CNBD1: variants seen among roughly 807,000 people sequenced by gnomAD.
The protein encoded by CNBD1 is cyclic nucleotide-binding domain-containing protein 1.
CNBD1 carries 71 observed loss-of-function variants against 54.4 expected under a neutral mutation model. The observed-to-expected ratio is 1.30, with a 90% confidence interval of 1.08 to 1.59. CNBD1 has a LOEUF of 1.59. Ranked by LOEUF, CNBD1 falls within the 40% of genes most tolerant of loss-of-function variation. The pLI, the probability that CNBD1 is intolerant of heterozygous loss-of-function variation, is 0.00. For missense variants in CNBD1, 659 were observed against 518.0 expected (o/e 1.27, Z -2.64); for synonymous variants, 182 against 170.7 (o/e 1.07, Z -0.51).
chr8:86,961,752 C>T (rs931295800), intron 4 of CNBD1, among the ~76,000 whole-genome samples: 12 of 152,244 alleles, frequency 7.9e-5, no homozygotes, highest in Non-Finnish European at 1.8e-4. Context: ...TCCTGTTCCA[C>T]CAGAGTGACA....
intron 4 of CNBD1, among the ~76,000 whole-genome samples, chr8:86,954,158 C>T (rs1040572159): frequency 6.6e-6 from 1 of 152,140 alleles, no homozygotes; most frequent in African/African-American, 2.4e-5. Flanking sequence ...ACAAAGCAAA[C>T]AAAAATCTTT....
chr8:87,081,697 G>A (rs757572346), intron 4 of CNBD1, among the ~76,000 whole-genome samples: 1 of 151,734 alleles, frequency 6.6e-6, no homozygotes, highest in Non-Finnish European at 1.5e-5. Flanking sequence ...TAGTAGAAAC[G>A]GGGTTTCACT....
At chr8:87,112,782 A>T (rs990152520) in intron 4 of CNBD1, among the ~76,000 whole-genome samples, 6 of 152,048 alleles carry the variant, frequency 3.9e-5, no homozygotes, top group Non-Finnish European at 7.3e-5. Context: ...ACTTTATTGC[A>T]TCTGGCTACT....
At chr8:87,010,873 G>T (rs545484964) in intron 4 of CNBD1, among the ~76,000 whole-genome samples, 1 of 152,102 alleles carries the variant, frequency 6.6e-6, no homozygotes, top group South Asian at 2.1e-4. Flanking sequence ...TTCCTTGTAG[G>T]TGTGTTTCTA....
intron 8 of CNBD1, among the ~76,000 whole-genome samples, chr8:87,320,187 T>C (rs781399055): frequency 4.6e-5 from 7 of 152,126 alleles, no homozygotes; most frequent in Non-Finnish European, 8.8e-5. Flanking sequence ...TCTCTTATAC[T>C]AGCTTAACTT....
chr8:87,389,911 T>A (rs1258914483), intron 2 of CNBD1, among the ~76,000 whole-genome samples: 1 of 151,940 alleles, frequency 6.6e-6, no homozygotes, highest in Non-Finnish European at 1.5e-5. Flanking sequence ...TATAGACCAA[T>A]GGAACAGAAC....
intron 4 of CNBD1, among the ~76,000 whole-genome samples, chr8:87,039,361 G>C (rs949817253): frequency 2.0e-5 from 3 of 151,950 alleles, no homozygotes; most frequent in Non-Finnish European, 4.4e-5. Flanking sequence ...TATTTATTCA[G>C]TATGTTTGTA....
chr8:87,347,313 A>C (rs2130924600), intron 8 of CNBD1, among the ~76,000 whole-genome samples: 1 of 152,288 alleles, frequency 6.6e-6, no homozygotes, highest in East Asian at 1.9e-4. Context: ...GCTCAAGAAA[A>C]CCTTTGTTTA....
At chr8:86,918,845 G>A (rs1230542383) in intron 3 of CNBD1, among the ~76,000 whole-genome samples, 1 of 147,560 alleles carries the variant, frequency 6.8e-6, no homozygotes, top group African/African-American at 2.5e-5. Context: ...GCAATTTTGT[G>A]TAGGCATCAC....
At chr8:87,364,461 C>T (rs1345798239) in intron 10 of CNBD1, among the ~76,000 whole-genome samples, 3 of 150,212 alleles carry the variant, frequency 2.0e-5, no homozygotes, top group Non-Finnish European at 3.0e-5. Context: ...CTTTTAAATC[C>T]AATTTGTCTT....
At chr8:86,886,788 GTATT>G (rs939929824) in intron 1 of CNBD1, among the ~76,000 whole-genome samples, 3 of 152,060 alleles carry the variant, frequency 2.0e-5, no homozygotes, top group African/African-American at 7.2e-5. Context: ...GCCTAAGTGA[GTATT>G]TATTATTTTT....
chr8:87,238,636 T>C, intron 6 of CNBD1, among the ~76,000 whole-genome samples: 1 of 152,064 alleles, frequency 6.6e-6, no homozygotes, highest in East Asian at 1.9e-4. Context: ...AATATGAATA[T>C]ATTTATATCT....
intron 4 of CNBD1, among the ~76,000 whole-genome samples, chr8:87,046,590 G>A (rs930484486): frequency 6.6e-6 from 1 of 152,112 alleles, no homozygotes; most frequent in Admixed American, 6.5e-5. Context: ...TCCCTTGAAG[G>A]GAGGATTCTA....
At chr8:87,066,123 G>A (rs1200560945) in intron 4 of CNBD1, among the ~76,000 whole-genome samples, 8 of 151,946 alleles carry the variant, frequency 5.3e-5, no homozygotes, top group Non-Finnish European at 1.2e-4. Context: ...CACAATACTA[G>A]GTTCATGAAA....
intron 10 of CNBD1, among the ~76,000 whole-genome samples, chr8:87,378,235 A>G (rs1222464486): frequency 2.8e-5 from 4 of 142,522 alleles, no homozygotes; most frequent in African/African-American, 8.1e-5. Flanking sequence ...GCCCATGCCT[A>G]TGTCCTGAAT....
intron 2 of CNBD1, among the ~76,000 whole-genome samples, chr8:87,426,081 C>G (rs1020042832): frequency 9.9e-5 from 15 of 152,194 alleles, no homozygotes; most frequent in Admixed American, 5.2e-4. Flanking sequence ...AACGGATTCT[C>G]CAGGTGCCGT....
chr8:87,277,340 G>C (rs1018699322), intron 6 of CNBD1, among the ~76,000 whole-genome samples: 5 of 151,702 alleles, frequency 3.3e-5, no homozygotes, highest in African/African-American at 4.8e-5. Context: ...CCCACCCACA[G>C]TATGGAGGGC....
intron 3 of CNBD1, among the ~76,000 whole-genome samples, chr8:86,935,750 AT>A (rs1422480129): frequency 1.3e-5 from 2 of 152,042 alleles, no homozygotes; most frequent in East Asian, 3.9e-4. Flanking sequence ...TTTATTATAT[AT>A]TTCCTTATAC....
At chr8:87,260,268 A>G (rs572124389) in intron 6 of CNBD1, among the ~76,000 whole-genome samples, 1 of 152,234 alleles carries the variant, frequency 6.6e-6, no homozygotes, top group East Asian at 1.9e-4. Flanking sequence ...AAGTACCCCC[A>G]TGTGGTTACA....
Sources: allele counts gnomAD v4.1 joint callset (sites outside exome capture counted in the v4.1 genomes callset), GRCh38; gene constraint gnomAD v4.1.1; transcripts MANE v1.5; gene names NCBI Gene and HGNC (gene_info 2026-07-23, HGNC 2026-07-21).